PDZRN4: variants seen among roughly 807,000 people sequenced by gnomAD.
PDZRN4 encodes PDZ domain-containing RING finger protein 4.
In PDZRN4, 70 loss-of-function variants were observed where a neutral mutation model predicts 99.0. The ratio of observed to expected loss-of-function variants is 0.71; its 90% CI spans 0.58 to 0.86. The LOEUF (loss-of-function observed/expected upper bound fraction) is 0.86. Among genes scored for constraint, PDZRN4 ranks in the 40% least tolerant of loss-of-function variants. PDZRN4 has a pLI of 0.00. For missense variants in PDZRN4, 1,474 were observed against 1,331.2 expected (o/e 1.11, Z -1.67); for synonymous variants, 551 against 501.6 (o/e 1.10, Z -1.32).
Position 41,477,490 on chromosome 12 carries a change from C to T in PDZRN4, c.844-28966C>T, listed in dbSNP as rs79216741. Among the ~76,000 whole-genome samples the T allele has an allele frequency of 2.4e-3, 358 of 152,130 alleles. 4 individuals are homozygous for T. The highest frequency in any genetic ancestry group is 9.5e-3 in the East Asian group (49 of 5,178). On this transcript the variant is annotated intron_variant, in intron 3 of 9. Transcript: ENST00000402685. ...TTGGCACATGTCTGTTAAGGACAGC[C>T]GAAAAGGATGGTGAAAAGGATGGAT...
In PDZRN4 at chr12:41,189,878, G is replaced by A. The variant is rs553643872; in HGVS notation, c.648+775G>A. 6.6e-5 allele frequency among the ~76,000 whole-genome samples: 10 copies of A among 152,240 alleles called. No homozygotes were observed. The East Asian group carries it at 1.7e-3, about 26-fold the overall frequency. On this transcript the variant is annotated intron_variant, in intron 1 of 9. Transcript: ENST00000402685. ...CCGGCCCTGCGAGCCCCCAGGCAGC[G>A]GTTGTTTCCCTTCTTTGTCTAAGCT...
intron 3 of PDZRN4, among the ~76,000 whole-genome samples, chr12:41,239,111 C>T (rs938211931): frequency 6.6e-6 from 1 of 152,204 alleles, no homozygotes; most frequent in East Asian, 1.9e-4. Flanking sequence ...GGTAAATATA[C>T]ACCATGGAAT....
chr12:41,534,435 C>T (rs285554), intron 5 of PDZRN4, among the ~76,000 whole-genome samples: 30,329 of 151,842 alleles, frequency 0.2, 3,748 homozygotes, highest in African/African-American at 0.36. Context: ...CCTGATGCTC[C>T]CCCTTCCCCC....
chr12:41,385,110 A>C (rs1465160778), intron 3 of PDZRN4, among the ~76,000 whole-genome samples: 1 of 152,212 alleles, frequency 6.6e-6, no homozygotes. Flanking sequence ...TCTAGTGGGG[A>C]GAGACAGACC....
intron 5 of PDZRN4, among the ~76,000 whole-genome samples, chr12:41,514,480 T>C (rs562682507): frequency 6.6e-6 from 1 of 152,162 alleles, no homozygotes; most frequent in Non-Finnish European, 1.5e-5. Flanking sequence ...TTTGAGCAAC[T>C]TCATGATTTG....
At chr12:41,261,690 C>T (rs928844405) in intron 3 of PDZRN4, among the ~76,000 whole-genome samples, 4 of 152,112 alleles carry the variant, frequency 2.6e-5, no homozygotes, top group Non-Finnish European at 5.9e-5. Flanking sequence ...AGGGTTTCAC[C>T]GTGTTAGCCA....
chr12:41,203,746 A>T (rs139345967), intron 3 of PDZRN4, among the ~76,000 whole-genome samples: 1 of 152,116 alleles, frequency 6.6e-6, no homozygotes, highest in Non-Finnish European at 1.5e-5. Flanking sequence ...ATTATTAAGA[A>T]TTATATAAGT....
At chr12:41,470,165 C>A (rs1213887542) in intron 3 of PDZRN4, among the ~76,000 whole-genome samples, 1 of 152,080 alleles carries the variant, frequency 6.6e-6, no homozygotes, top group Non-Finnish European at 1.5e-5. Context: ...AATTTACAAA[C>A]CCTTTCAGTT....
chr12:41,329,360 C>T (rs10785234), intron 3 of PDZRN4, among the ~76,000 whole-genome samples: 3,172 of 152,158 alleles, frequency 0.021, 101 homozygotes, highest in East Asian at 0.091. Context: ...TGATACTTTC[C>T]ATATGTTGAT....
intron 3 of PDZRN4, among the ~76,000 whole-genome samples, chr12:41,322,976 A>G (rs1951690120): frequency 6.6e-6 from 1 of 152,266 alleles, no homozygotes; most frequent in Non-Finnish European, 1.5e-5. Context: ...GGATTGCTAG[A>G]GTAATGAAAA....
At chr12:41,355,630 A>G (rs138992079) in intron 3 of PDZRN4, among the ~76,000 whole-genome samples, 12 of 152,230 alleles carry the variant, frequency 7.9e-5, no homozygotes, top group African/African-American at 2.9e-4. Context: ...GTCAATGGTA[A>G]ACCAAGAACA....
At chr12:41,446,847 G>A (rs1952733114) in intron 3 of PDZRN4, among the ~76,000 whole-genome samples, 1 of 125,846 alleles carries the variant, frequency 7.9e-6, no homozygotes. Flanking sequence ...GGAACCAAGG[G>A]CAATTTTTTT....
intron 3 of PDZRN4, among the ~76,000 whole-genome samples, chr12:41,315,293 T>C (rs1951631060): frequency 6.6e-6 from 1 of 152,172 alleles, no homozygotes; most frequent in Non-Finnish European, 1.5e-5. Context: ...TTCAGTTTAG[T>C]TTATTATTTC....
At chr12:41,437,858 A>G in intron 3 of PDZRN4, 2 of 1,609,988 alleles carry the variant, frequency 1.2e-6, no homozygotes, top group South Asian at 1.1e-5. Flanking sequence ...AACAGTAGTC[A>G]AGTCTGGAGG....
chr12:41,535,118 C>G (rs1014624013), intron 5 of PDZRN4, among the ~76,000 whole-genome samples: 1 of 152,148 alleles, frequency 6.6e-6, no homozygotes, highest in African/African-American at 2.4e-5. Context: ...TATACTAACT[C>G]TTTACTTATA....
At chr12:41,294,344 T>C (rs995239135) in intron 3 of PDZRN4, among the ~76,000 whole-genome samples, 5 of 152,180 alleles carry the variant, frequency 3.3e-5, no homozygotes, top group African/African-American at 9.7e-5. Context: ...AACTAAGTAC[T>C]GTAGAACAAA....
chr12:41,458,985 G>A (rs1481362887), intron 3 of PDZRN4, among the ~76,000 whole-genome samples: 1 of 151,566 alleles, frequency 6.6e-6, no homozygotes, highest in African/African-American at 2.4e-5. Flanking sequence ...GCAGATCTTT[G>A]GGAGTAGATG....
At chr12:41,425,741 G>C (rs1312396558) in intron 3 of PDZRN4, among the ~76,000 whole-genome samples, 1 of 152,154 alleles carries the variant, frequency 6.6e-6, no homozygotes, top group Non-Finnish European at 1.5e-5. Flanking sequence ...CTGTGTAGTT[G>C]ATCTAATTCA....
At chr12:41,268,888 C>A (rs954985092) in intron 3 of PDZRN4, among the ~76,000 whole-genome samples, 1 of 152,104 alleles carries the variant, frequency 6.6e-6, no homozygotes, top group Non-Finnish European at 1.5e-5. Flanking sequence ...TGGAAAATTG[C>A]GTGATTGAAA....
Sources: allele counts gnomAD v4.1 joint callset (sites outside exome capture counted in the v4.1 genomes callset), GRCh38; gene constraint gnomAD v4.1.1; transcripts MANE v1.5; gene names NCBI Gene and HGNC (gene_info 2026-07-23, HGNC 2026-07-21).